Variants in GPC3 observed in about 807,000 individuals in gnomAD.
GPC3 encodes the protein glypican-3.
In GPC3, 3 loss-of-function variants were observed where a neutral mutation model predicts 34.4. The observed-to-expected ratio is 0.09, with a 90% CI of 0.04 to 0.23. The LOEUF (loss-of-function observed/expected upper bound fraction) is 0.23, where lower values mean the gene tolerates loss of function less well. GPC3 is among the 10% of genes least tolerant of loss of function. GPC3 has a pLI of 1.00. For missense variants in GPC3, 351 were observed against 445.6 expected (o/e 0.79, Z 1.91); for synonymous variants, 177 against 174.0 (o/e 1.02, Z -0.13).
At chrX:133,797,425 TACA>T (rs2124516541) in intron 2 of GPC3, among the ~76,000 whole-genome samples, 1 of 111,821 alleles carries the variant, frequency 8.9e-6, no homozygotes, top group East Asian at 2.8e-4. Context: ...CCCACAAAAC[TACA>T]ACTTCTTCCT....
At chrX:133,822,978 A>C (rs1381237794) in intron 2 of GPC3, among the ~76,000 whole-genome samples, 1 of 107,508 alleles carries the variant, frequency 9.3e-6, no homozygotes, top group African/African-American at 3.4e-5. Flanking sequence ...AAAATACAAA[A>C]ATTAGCCAGG....
chrX:133,692,077 T>C (rs1315199962), intron 5 of GPC3, among the ~76,000 whole-genome samples: 2 of 112,554 alleles, frequency 1.8e-5, no homozygotes, highest in Non-Finnish European at 3.8e-5. Flanking sequence ...GCCTCCCCAG[T>C]AGCTGGGACT....
At chrX:133,728,747 T>C (rs1385510351) in intron 3 of GPC3, among the ~76,000 whole-genome samples, 1 of 112,375 alleles carries the variant, frequency 8.9e-6, no homozygotes, top group African/African-American at 3.2e-5. Flanking sequence ...TTGTATGCAA[T>C]TTATGATTAA....
intron 2 of GPC3, among the ~76,000 whole-genome samples, chrX:133,876,679 G>T (rs974720543): frequency 1.6e-4 from 18 of 112,045 alleles, no homozygotes; most frequent in South Asian, 3.7e-4. Context: ...AGTGCTATGT[G>T]AAAGAAATGA....
chrX:133,864,425 G>C (rs1184080848), intron 2 of GPC3, among the ~76,000 whole-genome samples: 1 of 111,558 alleles, frequency 9.0e-6, no homozygotes, highest in African/African-American at 3.3e-5. Context: ...TGACAGTAAG[G>C]TCCTGGGAAT....
intron 3 of GPC3, among the ~76,000 whole-genome samples, chrX:133,727,644 C>A (rs2071423478): frequency 8.9e-6 from 1 of 111,770 alleles, no homozygotes; most frequent in Non-Finnish European, 1.9e-5. Flanking sequence ...CCCTGTTCTC[C>A]TCTACATGCA....
chrX:133,730,798 TA>T (rs577734893), intron 3 of GPC3, among the ~76,000 whole-genome samples: 11 of 109,266 alleles, frequency 1.0e-4, no homozygotes, highest in Admixed American at 3.9e-4. Context: ...ATGTCATATA[TA>T]AAAAAAAAGG....
chrX:133,719,434 G>A (rs1192841133), intron 3 of GPC3, among the ~76,000 whole-genome samples: 1 of 111,564 alleles, frequency 9.0e-6, no homozygotes, highest in Non-Finnish European at 1.9e-5. Flanking sequence ...AGAGAAGGCA[G>A]TGCTTAGAAA....
chrX:133,736,493 A>T (rs1439413713), intron 3 of GPC3, among the ~76,000 whole-genome samples: 1 of 112,364 alleles, frequency 8.9e-6, no homozygotes, highest in Non-Finnish European at 1.9e-5. Flanking sequence ...ATCAACTGAT[A>T]ATAGACAAAC....
intron 2 of GPC3, among the ~76,000 whole-genome samples, chrX:133,822,489 C>G (rs974628142): frequency 2.7e-5 from 3 of 111,849 alleles, no homozygotes; most frequent in African/African-American, 6.5e-5. Flanking sequence ...TGAAACTGAA[C>G]AGTATATCAT....
At chrX:133,642,787 A>G (rs2124382104) in intron 6 of GPC3, among the ~76,000 whole-genome samples, 1 of 108,350 alleles carries the variant, frequency 9.2e-6, no homozygotes, top group African/African-American at 3.3e-5. Flanking sequence ...AAAAAAAAAA[A>G]AAAAAAGAAA....
chrX:133,804,037 T>C (rs1032367291), intron 2 of GPC3, among the ~76,000 whole-genome samples: 6 of 109,368 alleles, frequency 5.5e-5, no homozygotes, highest in Non-Finnish European at 9.5e-5. Context: ...TACCCCCCCC[T>C]TTTTTAATGG....
At chrX:133,828,391 C>T (rs182982598) in intron 2 of GPC3, among the ~76,000 whole-genome samples, 457 of 111,874 alleles carry the variant, frequency 4.1e-3, no homozygotes, top group Middle Eastern at 9.2e-3. Context: ...CTCCTGATCT[C>T]AGGTGATCCA....
At chrX:133,964,369 C>T (rs1408382967) in intron 1 of GPC3, among the ~76,000 whole-genome samples, 1 of 111,807 alleles carries the variant, frequency 8.9e-6, no homozygotes, top group African/African-American at 3.3e-5. Context: ...TGCACCACTG[C>T]CTTGATCCTA....
At chrX:133,962,827 T>G (rs2076447428) in intron 1 of GPC3, among the ~76,000 whole-genome samples, 1 of 111,797 alleles carries the variant, frequency 8.9e-6, no homozygotes, top group Non-Finnish European at 1.9e-5. Context: ...CCAATCTAAG[T>G]GCTAGGTCCC....
At chrX:133,734,567 GA>G (rs1049307049) in intron 3 of GPC3, among the ~76,000 whole-genome samples, 6 of 89,737 alleles carry the variant, frequency 6.7e-5, no homozygotes, top group Middle Eastern at 5.7e-3. Flanking sequence ...AAGGAAAGAA[GA>G]AAAAAAAAGA....
intron 4 of GPC3, among the ~76,000 whole-genome samples, chrX:133,697,905 C>T (rs752552450): frequency 1.8e-5 from 2 of 111,354 alleles, no homozygotes; most frequent in East Asian, 2.8e-4. Context: ...GATCCGTTGC[C>T]GCTTTAGACC....
chrX:133,623,509 C>A lies in GPC3; in HGVS notation c.1414-26910G>T, dbSNP rs772762204. On this transcript the variant is annotated intron_variant, in intron 6 of 7. Transcript: ENST00000370818. ...AACAAAAAAAGGCAGGGGTTGCAAT[C>A]CTAATCTCTGATAAAACAGACTTTA... is the stretch of plus-strand genomic sequence containing the variant. Among the ~76,000 whole-genome samples, 4 of 111,437 alleles carry A rather than the reference C, an allele frequency of 3.6e-5. No homozygotes were observed. The South Asian group carries it at 1.5e-3, about 43-fold the overall frequency.
At chrX:133,934,380 A>G (rs1026862055) in intron 2 of GPC3, among the ~76,000 whole-genome samples, 3 of 107,757 alleles carry the variant, frequency 2.8e-5, no homozygotes, top group African/African-American at 1.0e-4. Flanking sequence ...TTTTTAGTAG[A>G]GATGGGGTTT....
Sources: allele counts gnomAD v4.1 joint callset (sites outside exome capture counted in the v4.1 genomes callset), GRCh38; gene constraint gnomAD v4.1.1; transcripts MANE v1.5; gene names NCBI Gene and HGNC (gene_info 2026-07-23, HGNC 2026-07-21).